Variants in GPC6 observed in about 807,000 individuals in gnomAD.
The protein encoded by GPC6 is glypican 6, also known as glypican-6.
A neutral mutation model predicts 55.2 loss-of-function variants in GPC6; 14 were observed. The observed-to-expected ratio is 0.25, with a 90% CI of 0.17 to 0.40. GPC6 has a LOEUF of 0.40. GPC6 is among the 10% of genes least tolerant of loss of function. The pLI, the probability that GPC6 is intolerant of heterozygous loss-of-function variation, is 1.00. For missense variants in GPC6, 641 were observed against 708.5 expected (o/e 0.90, Z 1.08); for synonymous variants, 278 against 259.6 (o/e 1.07, Z -0.68).
chr13:93,683,118 A>G (rs1881915254), intron 2 of GPC6, among the ~76,000 whole-genome samples: 1 of 141,138 alleles, frequency 7.1e-6, no homozygotes, highest in Non-Finnish European at 1.6e-5. Flanking sequence ...ATCATTATTA[A>G]GTGGTTCCTA....
chr13:94,104,440 A>G (rs1481758055), intron 4 of GPC6, among the ~76,000 whole-genome samples: 1 of 152,170 alleles, frequency 6.6e-6, no homozygotes. Flanking sequence ...CACCACTCCT[A>G]TTCAACATAG....
chr13:93,484,680 T>G (rs1879637888), intron 1 of GPC6, among the ~76,000 whole-genome samples: 1 of 152,154 alleles, frequency 6.6e-6, no homozygotes, highest in South Asian at 2.1e-4. Context: ...GAAATATTGC[T>G]TAATTTCTTG....
chr13:94,367,181 C>G (rs1566724950), intron 6 of GPC6, among the ~76,000 whole-genome samples: 2 of 152,180 alleles, frequency 1.3e-5, no homozygotes, highest in Non-Finnish European at 2.9e-5. Context: ...CTCTGCTAAG[C>G]CTTTAAATTC....
chr13:94,152,763 A>T (rs555508690), intron 4 of GPC6, among the ~76,000 whole-genome samples: 3 of 152,260 alleles, frequency 2.0e-5, no homozygotes, highest in Non-Finnish European at 2.9e-5. Flanking sequence ...GAAGAACAGT[A>T]ATTTACCCTT....
At chr13:93,856,681 T>C (rs905029864) in intron 3 of GPC6, among the ~76,000 whole-genome samples, 3 of 151,658 alleles carry the variant, frequency 2.0e-5, no homozygotes, top group African/African-American at 7.2e-5. Flanking sequence ...TGGACATGTG[T>C]AGAACATCAT....
intron 4 of GPC6, among the ~76,000 whole-genome samples, chr13:94,282,859 T>A (rs1892424723): frequency 6.6e-6 from 1 of 152,214 alleles, no homozygotes; most frequent in Admixed American, 6.5e-5. Flanking sequence ...ATGCTGTTAG[T>A]CATAAGAGTC....
At chr13:93,261,128 C>T (rs763487291) in intron 1 of GPC6, among the ~76,000 whole-genome samples, 2 of 152,046 alleles carry the variant, frequency 1.3e-5, no homozygotes, top group African/African-American at 2.4e-5. Context: ...TTTCTGAAGC[C>T]TGTATTGATT....
chr13:93,830,337 T>C lies in GPC6; in HGVS notation c.503T>C (p.Leu168Pro). The change falls in exon 3 of 9, where the codon CTC becomes CCC. Residue 168 changes from leucine (L) to proline (P), a missense_variant. By Grantham distance (98) the Leu-to-Pro change is moderately conservative. Coordinates refer to ENST00000377047, the MANE Select transcript of GPC6 (RefSeq NM_005708.5). ...EEMLNDFWARLLERMFQLINP... is the reference protein window; with the variant it reads ...EEMLNDFWARPLERMFQLINP... ...ATGCTCAATGACTTTTGGGCTCGGC[T>C]CCTGGAACGGATGTTTCAGCTGATA... The C allele has an allele frequency of 1.2e-6, 2 of 1,613,960 alleles. No individual in the cohort carries two copies. Among genetic ancestry groups the C allele is most frequent in the Non-Finnish European group, 1.7e-6 (2 of 1,179,920 alleles).
Position 94,146,540 on chromosome 13 carries a change from C to G in GPC6, c.877+118646C>G, listed in dbSNP as rs952537107. Among the ~76,000 whole-genome samples, 11 of 152,156 alleles carry G rather than the reference C, an allele frequency of 7.2e-5. No individual in the cohort carries two copies. In the East Asian group the frequency reaches 2.1e-3, roughly 29 times the overall value. On this transcript the variant is annotated intron_variant, in intron 4 of 8. Coordinates refer to ENST00000377047, the MANE Select transcript of GPC6 (RefSeq NM_005708.5). ...TATAGCGTTCAAAAACAATCTTTTT[C>G]AGGTTTCCAGATAGCAGTGTTTTTC...
At chr13:94,383,659 A>G (rs1361649493) in intron 7 of GPC6, among the ~76,000 whole-genome samples, 1 of 152,198 alleles carries the variant, frequency 6.6e-6, no homozygotes, top group Admixed American at 6.5e-5. Flanking sequence ...GGTGCAAGGG[A>G]GGTGCACGTT....
At chr13:94,400,913 G>A (rs1006857872) in intron 8 of GPC6, among the ~76,000 whole-genome samples, 13 of 152,284 alleles carry the variant, frequency 8.5e-5, no homozygotes, top group Non-Finnish European at 2.9e-5. Flanking sequence ...GTGAGGAAAC[G>A]GAGCCTCAGT....
intron 2 of GPC6, among the ~76,000 whole-genome samples, chr13:93,720,759 C>T (rs532088410): frequency 2.0e-5 from 3 of 151,892 alleles, no homozygotes; most frequent in East Asian, 1.9e-4. Context: ...TATTCTGGTA[C>T]GTTGTGTCTT....
chr13:93,689,457 G>C (rs927510627), intron 2 of GPC6, among the ~76,000 whole-genome samples: 7 of 152,112 alleles, frequency 4.6e-5, no homozygotes, highest in South Asian at 2.1e-4. Context: ...AAGCACATTA[G>C]GGGGGATTAA....
chr13:93,695,039 C>T (rs973048212), intron 2 of GPC6, among the ~76,000 whole-genome samples: 4 of 151,974 alleles, frequency 2.6e-5, no homozygotes, highest in South Asian at 2.1e-4. Context: ...TGCTCAGAAA[C>T]GATGCATATG....
chr13:94,219,345 G>C (rs542063171), intron 4 of GPC6, among the ~76,000 whole-genome samples: 2 of 152,298 alleles, frequency 1.3e-5, no homozygotes, highest in Admixed American at 1.3e-4. Flanking sequence ...TAGGTACTCA[G>C]TGCTAGTACC....
intron 3 of GPC6, among the ~76,000 whole-genome samples, chr13:93,982,808 C>G (rs1370736230): frequency 6.6e-6 from 1 of 152,126 alleles, no homozygotes; most frequent in African/African-American, 2.4e-5. Flanking sequence ...TGGGTTTGTA[C>G]AAAGACAGTC....
intron 4 of GPC6, among the ~76,000 whole-genome samples, chr13:94,029,318 T>A (rs1156939644): frequency 6.6e-6 from 1 of 152,240 alleles, no homozygotes; most frequent in Non-Finnish European, 1.5e-5. Flanking sequence ...TGATCATGAG[T>A]TACTTTATTT....
chr13:93,350,472 G>C (rs926607983), intron 1 of GPC6, among the ~76,000 whole-genome samples: 4 of 152,090 alleles, frequency 2.6e-5, no homozygotes, highest in African/African-American at 7.2e-5. Flanking sequence ...TGTCTTAGTA[G>C]CTATGACAAT....
chr13:93,792,219 C>T (rs1886061491), intron 2 of GPC6, among the ~76,000 whole-genome samples: 2 of 152,266 alleles, frequency 1.3e-5, no homozygotes, highest in African/African-American at 4.8e-5. Flanking sequence ...GTTTGTGCCT[C>T]TATCCTTAGT....
Sources: gnomAD v4.1 joint callset for allele counts (sites outside exome capture counted in the v4.1 genomes callset) on GRCh38, gnomAD v4.1.1 for gene constraint, MANE v1.5 for transcripts, NCBI Gene and HGNC (gene_info 2026-07-23, HGNC 2026-07-21) for gene names.